The following NPAS3 variants were observed in gnomAD, a reference collection of about 807,000 sequenced individuals.
NPAS3 encodes neuronal PAS domain-containing protein 3.
NPAS3 carries 14 observed loss-of-function variants against 73.1 expected under a neutral mutation model. That is an observed-to-expected ratio of 0.19 (90% CI 0.13 to 0.30). The LOEUF (loss-of-function observed/expected upper bound fraction) is 0.30. NPAS3 is among the 10% of genes least tolerant of loss of function. The pLI is 1.00. For missense variants in NPAS3, 1,096 were observed against 1,250.0 expected (o/e 0.88, Z 1.86); for synonymous variants, 620 against 541.5 (o/e 1.14, Z -2.01).
chr14:32,941,157 T>G (rs2139049814), intron 1 of NPAS3, among the ~76,000 whole-genome samples: 1 of 151,762 alleles, frequency 6.6e-6, no homozygotes, highest in African/African-American at 2.4e-5. Context: ...AGATGAATAC[T>G]TTTTGAAATC....
chr14:33,740,482 A>G (rs1038439109), intron 7 of NPAS3, among the ~76,000 whole-genome samples: 3 of 152,214 alleles, frequency 2.0e-5, no homozygotes, highest in African/African-American at 7.2e-5. Flanking sequence ...TCTCTTTCCG[A>G]TATACCAATG....
chr14:33,335,685 T>G (rs895618164), intron 3 of NPAS3, among the ~76,000 whole-genome samples: 2 of 152,156 alleles, frequency 1.3e-5, no homozygotes, highest in Non-Finnish European at 2.9e-5. Flanking sequence ...GCCTTTTGGC[T>G]GTTAGTAATC....
intron 3 of NPAS3, among the ~76,000 whole-genome samples, chr14:33,334,788 C>T (rs2044141498): frequency 6.6e-6 from 1 of 152,114 alleles, no homozygotes; most frequent in Admixed American, 6.6e-5. Flanking sequence ...GCTTGAGCAG[C>T]GTATACTTTA....
chr14:33,298,420 GGGAT>G (rs1490285093), intron 3 of NPAS3, among the ~76,000 whole-genome samples: 2 of 152,134 alleles, frequency 1.3e-5, no homozygotes, highest in African/African-American at 4.8e-5. Flanking sequence ...AGATTGTGCT[GGGAT>G]AAATATTAAG....
chr14:33,639,359 C>T (rs2058613558), intron 5 of NPAS3, among the ~76,000 whole-genome samples: 1 of 151,958 alleles, frequency 6.6e-6, no homozygotes, highest in Admixed American at 6.6e-5. Context: ...AACCAAACCA[C>T]ATGTGAAACA....
At chr14:33,767,070 A>G (rs1336425178) in intron 7 of NPAS3, among the ~76,000 whole-genome samples, 4 of 152,186 alleles carry the variant, frequency 2.6e-5, no homozygotes, top group Admixed American at 2.0e-4. Context: ...CGCCTTCTCC[A>G]TGGCGCTTGC....
At chr14:33,392,485 T>G (rs1388410667) in intron 4 of NPAS3, among the ~76,000 whole-genome samples, 1 of 152,154 alleles carries the variant, frequency 6.6e-6, no homozygotes, top group Non-Finnish European at 1.5e-5. Context: ...GACATATAAA[T>G]TTTAATGTAA....
intron 3 of NPAS3, among the ~76,000 whole-genome samples, chr14:33,301,304 C>T (rs1336042004): frequency 6.0e-5 from 4 of 66,182 alleles, no homozygotes; most frequent in African/African-American, 1.5e-4. Flanking sequence ...TAGGTTTTAT[C>T]ATTATATATA....
intron 2 of NPAS3, among the ~76,000 whole-genome samples, chr14:33,126,851 T>A (rs2043446182): frequency 6.6e-6 from 1 of 152,324 alleles, no homozygotes; most frequent in South Asian, 2.1e-4. Context: ...TGGGCACATA[T>A]ACCTAAACAT....
chr14:33,456,875 C>A (rs567889374), intron 4 of NPAS3, among the ~76,000 whole-genome samples: 1 of 152,218 alleles, frequency 6.6e-6, no homozygotes, highest in Admixed American at 6.5e-5. Flanking sequence ...GATTTAAAAA[C>A]CAGAAGGCTC....
At chr14:33,123,486 A>T (rs968110415) in intron 2 of NPAS3, among the ~76,000 whole-genome samples, 7 of 152,114 alleles carry the variant, frequency 4.6e-5, no homozygotes, top group Admixed American at 3.3e-4. Flanking sequence ...GGTGATTAAT[A>T]AGCATTGCTG....
chr14:33,295,170 G>A (rs1041865913), intron 3 of NPAS3, among the ~76,000 whole-genome samples: 1 of 152,046 alleles, frequency 6.6e-6, no homozygotes, highest in African/African-American at 2.4e-5. Flanking sequence ...AACACCAAGG[G>A]ATTATTATAG....
chr14:33,112,356 A>G (rs1458581966), intron 2 of NPAS3, among the ~76,000 whole-genome samples: 1 of 152,064 alleles, frequency 6.6e-6, no homozygotes, highest in Non-Finnish European at 1.5e-5. Flanking sequence ...TTTAATGATC[A>G]CCATTCTAAC....
intron 3 of NPAS3, among the ~76,000 whole-genome samples, chr14:33,266,659 G>A (rs1303982997): frequency 1.3e-5 from 2 of 152,166 alleles, no homozygotes; most frequent in Non-Finnish European, 2.9e-5. Flanking sequence ...CATGGAGAGT[G>A]ATTGGATCAA....
intron 6 of NPAS3, among the ~76,000 whole-genome samples, chr14:33,693,449 C>G (rs1221842219): frequency 6.6e-6 from 1 of 152,134 alleles, no homozygotes; most frequent in East Asian, 1.9e-4. Flanking sequence ...AGACTCACAT[C>G]TAGAGACTGT....
chr14:33,602,357 A>T (rs781082237), intron 5 of NPAS3, among the ~76,000 whole-genome samples: 1 of 152,248 alleles, frequency 6.6e-6, no homozygotes, highest in Non-Finnish European at 1.5e-5. Flanking sequence ...GGTAGGGTAT[A>T]CAAAAGGGTC....
At chr14:32,984,643 T>A (rs889601893) in intron 1 of NPAS3, among the ~76,000 whole-genome samples, 3 of 152,194 alleles carry the variant, frequency 2.0e-5, no homozygotes, top group African/African-American at 7.2e-5. Context: ...TGGATGACAT[T>A]GAGATAGCAG....
At chr14:33,562,524 A>AT (rs1342544145) in intron 5 of NPAS3, among the ~76,000 whole-genome samples, 1 of 152,176 alleles carries the variant, frequency 6.6e-6, no homozygotes, top group African/African-American at 2.4e-5. Context: ...AACTGAATTG[A>AT]TGAGGGGTCA....
At chr14:33,400,223 A>T (rs914265294) in intron 4 of NPAS3, among the ~76,000 whole-genome samples, 3 of 152,106 alleles carry the variant, frequency 2.0e-5, no homozygotes, top group African/African-American at 7.2e-5. Context: ...CATCATACAC[A>T]CTTGTGATTA....
Sources: allele counts gnomAD v4.1 joint callset (sites outside exome capture counted in the v4.1 genomes callset), GRCh38; gene constraint gnomAD v4.1.1; transcripts MANE v1.5; gene names NCBI Gene and HGNC (gene_info 2026-07-23, HGNC 2026-07-21).